Variants in PDZRN4 observed in about 807,000 individuals in gnomAD.
PDZRN4 encodes the protein PDZ domain-containing RING finger protein 4.
PDZRN4 carries 70 observed loss-of-function variants against 99.0 expected under a neutral mutation model. The ratio of observed to expected loss-of-function variants is 0.71; its 90% CI spans 0.58 to 0.86. The LOEUF is 0.86. Among genes scored for constraint, PDZRN4 ranks in the 40% least tolerant of loss-of-function variants. The probability of loss-of-function intolerance (pLI) is 0.00; values close to 1 mark genes in which losing one functional copy is unlikely to be tolerated. For synonymous variants in PDZRN4, 551 were observed against 501.6 expected, an observed-to-expected ratio of 1.10 and a Z score of -1.32; for missense variants, 1,474 against 1,331.2, an observed-to-expected ratio of 1.11 and a Z score of -1.67.
intron 3 of PDZRN4, among the ~76,000 whole-genome samples, chr12:41,306,977 T>G (rs1478937141): frequency 6.6e-6 from 1 of 152,188 alleles, no homozygotes; most frequent in Non-Finnish European, 1.5e-5. Context: ...GAAAGCTTTC[T>G]CTCCAGCTCT....
chr12:41,529,884 TG>T (rs1421906117), intron 5 of PDZRN4, among the ~76,000 whole-genome samples: 1 of 152,184 alleles, frequency 6.6e-6, no homozygotes, highest in Non-Finnish European at 1.5e-5. Flanking sequence ...CCTAATGTTC[TG>T]ATGCCCACTC....
intron 3 of PDZRN4, among the ~76,000 whole-genome samples, chr12:41,352,772 C>T (rs1250648946): frequency 6.6e-6 from 1 of 151,978 alleles, no homozygotes; most frequent in Non-Finnish European, 1.5e-5. Flanking sequence ...TTTGCCTCCC[C>T]AAAGATATAA....
intron 3 of PDZRN4, among the ~76,000 whole-genome samples, chr12:41,234,150 C>A (rs1336539523): frequency 1.3e-5 from 2 of 151,874 alleles, no homozygotes; most frequent in Non-Finnish European, 2.9e-5. Context: ...TTCCTTTAAA[C>A]CCCCCAATTT....
At chr12:41,482,252 C>T (rs184260744) in intron 3 of PDZRN4, among the ~76,000 whole-genome samples, 1 of 152,156 alleles carries the variant, frequency 6.6e-6, no homozygotes, top group African/African-American at 2.4e-5. Context: ...TCATCTCTCT[C>T]TGATATCAAA....
intron 3 of PDZRN4, among the ~76,000 whole-genome samples, chr12:41,391,372 C>T (rs762603816): frequency 2.0e-5 from 3 of 152,240 alleles, no homozygotes. Flanking sequence ...CAGGGAGGAA[C>T]AACTCCATAG....
chr12:41,506,709 A>G lies in PDZRN4; in HGVS notation c.1097A>G (p.Asp366Gly). The G allele has an allele frequency of 6.2e-7, 1 of 1,603,826 alleles. No individual in the cohort carries two copies. Among genetic ancestry groups the G allele is most frequent in the Non-Finnish European group, 8.5e-7 (1 of 1,174,364 alleles). ...VPDICPFLLS[D>G]SCHSLHPMEH... ...GACATCTGTCCATTCCTGCTCTCAG[A>G]CAGGTATTTTTCTATCATTTCTTCC... The change falls in exon 4 of 10, where the codon GAC becomes GGC. Residue 366 changes from aspartate (D) to glycine (G), a missense_variant. Physicochemically the swap from Asp to Gly is moderately conservative, Grantham distance 94 (BLOSUM62 -1). Coordinates refer to ENST00000402685, the MANE Select transcript of PDZRN4 (RefSeq NM_001164595.2).
At chr12:41,280,546 C>T (rs1320138725) in intron 3 of PDZRN4, among the ~76,000 whole-genome samples, 1 of 152,172 alleles carries the variant, frequency 6.6e-6, no homozygotes, top group Non-Finnish European at 1.5e-5. Flanking sequence ...GTCCGCATTA[C>T]TGAGGCTTAA....
At chr12:41,510,528 G>T (rs1286998819) in intron 5 of PDZRN4, among the ~76,000 whole-genome samples, 1 of 152,100 alleles carries the variant, frequency 6.6e-6, no homozygotes, top group Non-Finnish European at 1.5e-5. Context: ...AAAAGTTAAA[G>T]AATGTATCCT....
chr12:41,231,349 T>C lies in PDZRN4; in HGVS notation c.843+37161T>C, dbSNP rs1951028755. On this transcript the variant is annotated intron_variant, in intron 3 of 9. Coordinates refer to ENST00000402685, the MANE Select transcript of PDZRN4 (RefSeq NM_001164595.2). Reference sequence around the variant, plus strand: ...AGCATTAAAAACTCATTTGTTGGCATTTACATTGCCTAATTTTCCGGTAAC... The same window carrying C: ...AGCATTAAAAACTCATTTGTTGGCACTTACATTGCCTAATTTTCCGGTAAC... Among the ~76,000 whole-genome samples, 6 of 152,204 alleles carry C rather than the reference T, an allele frequency of 3.9e-5. No homozygotes were observed. In the South Asian group the frequency reaches 1.2e-3, roughly 32 times the overall value.
chr12:41,356,388 TA>T (rs1565560923), intron 3 of PDZRN4, among the ~76,000 whole-genome samples: 2 of 151,958 alleles, frequency 1.3e-5, no homozygotes, highest in Admixed American at 1.3e-4. Flanking sequence ...GAGGAAGTGA[TA>T]AAAAATAAAA....
At chr12:41,328,295 G>C (rs1190642110) in intron 3 of PDZRN4, among the ~76,000 whole-genome samples, 1 of 151,964 alleles carries the variant, frequency 6.6e-6, no homozygotes, top group East Asian at 1.9e-4. Flanking sequence ...AAAATATACT[G>C]TGTATATAAT....
intron 3 of PDZRN4, among the ~76,000 whole-genome samples, chr12:41,434,830 T>C (rs191364706): frequency 7.0e-4 from 106 of 152,352 alleles, no homozygotes; most frequent in African/African-American, 2.4e-3. Context: ...TCCCGTATTA[T>C]TATTGCCCAA....
intron 3 of PDZRN4, among the ~76,000 whole-genome samples, chr12:41,311,037 C>A (rs1315491875): frequency 6.6e-6 from 1 of 151,994 alleles, no homozygotes; most frequent in Non-Finnish European, 1.5e-5. Flanking sequence ...ATTAAAAAAT[C>A]TTTTTCATAT....
intron 3 of PDZRN4, among the ~76,000 whole-genome samples, chr12:41,452,331 C>T (rs1565586390): frequency 1.3e-5 from 2 of 150,244 alleles, no homozygotes; most frequent in East Asian, 2.0e-4. Context: ...CCCAGCTACA[C>T]GGGAGGCTGA....
chr12:41,373,350 G>A (rs190630158), intron 3 of PDZRN4, among the ~76,000 whole-genome samples: 8 of 152,046 alleles, frequency 5.3e-5, no homozygotes, highest in African/African-American at 1.9e-4. Flanking sequence ...GCCTGGGAGC[G>A]CTACAGGAGA....
chr12:41,368,830 A>T (rs1192750829), intron 3 of PDZRN4, among the ~76,000 whole-genome samples: 1 of 152,012 alleles, frequency 6.6e-6, no homozygotes, highest in Non-Finnish European at 1.5e-5. Flanking sequence ...AGCCAAGGGG[A>T]TGGTGGTCAG....
chr12:41,414,790 T>C (rs1952430252), intron 3 of PDZRN4, among the ~76,000 whole-genome samples: 1 of 152,082 alleles, frequency 6.6e-6, no homozygotes, highest in Non-Finnish European at 1.5e-5. Flanking sequence ...AGCAAACAAA[T>C]AATATCATTT....
At chr12:41,501,923 C>A (rs955489211) in intron 3 of PDZRN4, among the ~76,000 whole-genome samples, 3 of 152,036 alleles carry the variant, frequency 2.0e-5, no homozygotes, top group Non-Finnish European at 2.9e-5. Context: ...TGAATATATA[C>A]CTTATAACTG....
At chr12:41,498,947 T>C (rs775645036) in intron 3 of PDZRN4, among the ~76,000 whole-genome samples, 6 of 152,130 alleles carry the variant, frequency 3.9e-5, no homozygotes, top group Non-Finnish European at 5.9e-5. Flanking sequence ...AAGAGTTTCA[T>C]GCTTAGGGTC....
Sources: gnomAD v4.1 joint callset for allele counts (sites outside exome capture counted in the v4.1 genomes callset) on GRCh38, gnomAD v4.1.1 for gene constraint, MANE v1.5 for transcripts, NCBI Gene and HGNC (gene_info 2026-07-23, HGNC 2026-07-21) for gene names.